Variants in FHIT observed in about 807,000 individuals in gnomAD.
FHIT encodes the protein fragile histidine triad diadenosine triphosphatase, also known as bis(5'-adenosyl)-triphosphatase.
A neutral mutation model predicts 17.9 loss-of-function variants in FHIT; 19 were observed. That is an observed-to-expected ratio of 1.06 (90% CI 0.74 to 1.56). The LOEUF (loss-of-function observed/expected upper bound fraction) is 1.56, where lower values mean the gene tolerates loss of function less well. FHIT is among the 40% of genes most tolerant of loss of function. FHIT has a pLI of 0.00. For missense variants in FHIT, 248 were observed against 189.2 expected (o/e 1.31, Z -1.82); for synonymous variants, 81 against 69.7 (o/e 1.16, Z -0.81).
chr3:60,765,836 G>A (rs1180966517), intron 4 of FHIT, among the ~76,000 whole-genome samples: 3 of 152,180 alleles, frequency 2.0e-5, no homozygotes, highest in Non-Finnish European at 4.4e-5. Flanking sequence ...AAGAAGGTGC[G>A]ATAAGCTGGC....
At chr3:61,215,999 G>A (rs1025141830) in intron 1 of FHIT, among the ~76,000 whole-genome samples, 1 of 152,086 alleles carries the variant, frequency 6.6e-6, no homozygotes, top group Admixed American at 6.5e-5. Context: ...AATTCAAGAT[G>A]CATTAAAGAC....
chr3:59,907,039 G>C (rs1305902161), intron 8 of FHIT, among the ~76,000 whole-genome samples: 1 of 152,216 alleles, frequency 6.6e-6, no homozygotes, highest in Non-Finnish European at 1.5e-5. Context: ...TATCAGAGCT[G>C]AAAGCAGGCT....
chr3:60,980,773 A>T (rs1205890078), intron 3 of FHIT, among the ~76,000 whole-genome samples: 2 of 152,192 alleles, frequency 1.3e-5, no homozygotes, highest in Admixed American at 6.5e-5. Flanking sequence ...GTAGCCTAGC[A>T]CTTTTCCTGA....
At chr3:60,747,715 T>C (rs2042387259) in intron 4 of FHIT, among the ~76,000 whole-genome samples, 1 of 152,352 alleles carries the variant, frequency 6.6e-6, no homozygotes, top group African/African-American at 2.4e-5. Flanking sequence ...TGTGTGTTCA[T>C]GACACAAGTC....
At chr3:60,536,337 T>C (rs1264389286) in intron 5 of FHIT, 2 of 152,170 alleles carry the variant, frequency 1.3e-5, no homozygotes, top group Non-Finnish European at 2.9e-5. Context: ...GGTCCTAATA[T>C]TTTTTAAAAA....
At chr3:60,401,090 G>C (rs550787072) in intron 5 of FHIT, among the ~76,000 whole-genome samples, 1 of 152,146 alleles carries the variant, frequency 6.6e-6, no homozygotes, top group Admixed American at 6.5e-5. Context: ...GCAGCCCCTG[G>C]TAGCACCTGA....
intron 8 of FHIT, among the ~76,000 whole-genome samples, chr3:59,851,096 A>G (rs1701914084): frequency 6.6e-6 from 1 of 152,166 alleles, no homozygotes; most frequent in African/African-American, 2.4e-5. Context: ...CCAGGACTCA[A>G]TGGCTCCTCC....
At chr3:61,100,871 T>C (rs1384126128) in intron 2 of FHIT, among the ~76,000 whole-genome samples, 1 of 152,236 alleles carries the variant, frequency 6.6e-6, no homozygotes, top group Non-Finnish European at 1.5e-5. Flanking sequence ...TTGAGAAGTG[T>C]CTGTTCATAT....
intron 4 of FHIT, among the ~76,000 whole-genome samples, chr3:60,573,863 G>A (rs964745674): frequency 9.2e-5 from 14 of 151,740 alleles, no homozygotes; most frequent in Admixed American, 1.3e-4. Context: ...AGGCTGGGGC[G>A]CAGTGACGTG....
chr3:60,562,855 T>C (rs1310855972), intron 4 of FHIT, among the ~76,000 whole-genome samples: 1 of 152,170 alleles, frequency 6.6e-6, no homozygotes, highest in African/African-American at 2.4e-5. Flanking sequence ...TGGAATTCAT[T>C]TGAGAAATTT....
At chr3:60,119,800 A>C (rs1680088500) in intron 5 of FHIT, among the ~76,000 whole-genome samples, 1 of 152,198 alleles carries the variant, frequency 6.6e-6, no homozygotes. Flanking sequence ...GTGTAGCACT[A>C]ATCAAATCTA....
chr3:60,551,903 T>C (rs1009080859), intron 4 of FHIT, among the ~76,000 whole-genome samples: 87 of 152,108 alleles, frequency 5.7e-4, no homozygotes, highest in African/African-American at 2.1e-3. Flanking sequence ...TCAGTATGTG[T>C]GCAAAATTGT....
At chr3:60,615,346 C>G (rs1374840936) in intron 4 of FHIT, among the ~76,000 whole-genome samples, 2 of 152,126 alleles carry the variant, frequency 1.3e-5, no homozygotes, top group African/African-American at 4.8e-5. Context: ...TCAGACATAC[C>G]AGCTATGATC....
intron 4 of FHIT, among the ~76,000 whole-genome samples, chr3:60,711,773 T>C (rs1227522316): frequency 6.6e-6 from 1 of 152,154 alleles, no homozygotes; most frequent in African/African-American, 2.4e-5. Flanking sequence ...TATGGGACTA[T>C]GTGAAAAGAC....
At chr3:61,181,606 C>G (rs904808710) in intron 2 of FHIT, among the ~76,000 whole-genome samples, 1 of 152,144 alleles carries the variant, frequency 6.6e-6, no homozygotes, top group East Asian at 1.9e-4. Context: ...CTGATATTCC[C>G]TGGGTTCCCT....
At chr3:60,500,620 A>C (rs976159101) in intron 5 of FHIT, among the ~76,000 whole-genome samples, 8 of 151,534 alleles carry the variant, frequency 5.3e-5, no homozygotes, top group East Asian at 1.9e-4. Context: ...AAATACAAAA[A>C]AAATTAGTAG....
intron 4 of FHIT, among the ~76,000 whole-genome samples, chr3:60,595,320 A>T (rs1160035959): frequency 6.6e-6 from 1 of 151,872 alleles, no homozygotes; most frequent in African/African-American, 2.4e-5. Flanking sequence ...AAAGCGAAAC[A>T]TCAGTAGGCA....
chr3:60,388,906 G>A (rs932623963), intron 5 of FHIT, among the ~76,000 whole-genome samples: 3 of 152,118 alleles, frequency 2.0e-5, no homozygotes, highest in Admixed American at 6.5e-5. Flanking sequence ...AGTGGAGAAG[G>A]CAGGTTGCTA....
intron 3 of FHIT, among the ~76,000 whole-genome samples, chr3:60,873,654 T>C (rs185254651): frequency 7.7e-4 from 118 of 152,300 alleles, no homozygotes; most frequent in Non-Finnish European, 1.5e-5. Context: ...AAATTCACAC[T>C]GACTGACTCC....
Sources: allele counts gnomAD v4.1 joint callset (sites outside exome capture counted in the v4.1 genomes callset), GRCh38; gene constraint gnomAD v4.1.1; transcripts MANE v1.5; gene names NCBI Gene and HGNC (gene_info 2026-07-23, HGNC 2026-07-21).